GALNT13: variants seen among roughly 807,000 people sequenced by gnomAD.
The protein encoded by GALNT13 is UDP-GalNAc:polypeptide N-acetylgalactosaminyltransferase 13.
A neutral mutation model predicts 64.2 loss-of-function variants in GALNT13; 28 were observed. The observed-to-expected ratio is 0.44, with a 90% CI of 0.32 to 0.60. The LOEUF (loss-of-function observed/expected upper bound fraction) is 0.60, where lower values mean the gene tolerates loss of function less well. Ranked by LOEUF, GALNT13 falls within the 20% of genes least tolerant of loss-of-function variation. The pLI, the probability that GALNT13 is intolerant of heterozygous loss-of-function variation, is 0.05. For synonymous variants in GALNT13, 214 were observed against 224.6 expected (o/e 0.95, Z 0.42); for missense variants, 577 against 669.8 (o/e 0.86, Z 1.53).
the GALNT13 span, among the ~76,000 whole-genome samples, chr2:153,130,249 C>T: frequency 2.0e-5 from 3 of 152,118 alleles, no homozygotes; most frequent in African/African-American, 7.2e-5. Context: ...CACAGGGACC[C>T]TTGAAAACCT....
At chr2:153,206,872 C>A in the GALNT13 span, among the ~76,000 whole-genome samples, 3 of 151,988 alleles carry the variant, frequency 2.0e-5, no homozygotes, top group African/African-American at 7.2e-5. Context: ...GTTCAGTGAA[C>A]CCCCATTTTA....
At chr2:153,697,335 A>G in the GALNT13 span, among the ~76,000 whole-genome samples, 1 of 152,264 alleles carries the variant, frequency 6.6e-6, no homozygotes, top group East Asian at 1.9e-4. Context: ...TCACTTCCCC[A>G]AATGAACACA....
intron 3 of GALNT13, among the ~76,000 whole-genome samples, chr2:154,043,952 A>G (rs1349320647): frequency 2.6e-5 from 4 of 152,138 alleles, no homozygotes; most frequent in Non-Finnish European, 5.9e-5. Context: ...ATGTGCCTGT[A>G]GTCCCAGCTA....
the GALNT13 span, among the ~76,000 whole-genome samples, chr2:153,587,446 C>T: frequency 3.9e-5 from 6 of 152,104 alleles, no homozygotes; most frequent in Non-Finnish European, 7.3e-5. Context: ...TTCAACATGG[C>T]TGGAGCAGCC....
the GALNT13 span, among the ~76,000 whole-genome samples, chr2:153,426,625 A>G: frequency 6.6e-6 from 1 of 152,044 alleles, no homozygotes; most frequent in Admixed American, 6.6e-5. Flanking sequence ...AATTATGTTT[A>G]TTGCTCAAAT....
At chr2:153,094,294 A>G in the GALNT13 span, among the ~76,000 whole-genome samples, 1 of 151,816 alleles carries the variant, frequency 6.6e-6, no homozygotes, top group African/African-American at 2.4e-5. Context: ...CGTTTTTTGT[A>G]TCTGATATGT....
chr2:153,385,169 C>G, the GALNT13 span, among the ~76,000 whole-genome samples: 9 of 152,176 alleles, frequency 5.9e-5, no homozygotes, highest in African/African-American at 1.9e-4. Flanking sequence ...TATGATCCAG[C>G]AATCCCATTG....
At chr2:153,655,507 A>G in the GALNT13 span, among the ~76,000 whole-genome samples, 1 of 152,250 alleles carries the variant, frequency 6.6e-6, no homozygotes, top group Admixed American at 6.6e-5. Context: ...GATTACCAAT[A>G]AATCGATCCA....
intron 9 of GALNT13, among the ~76,000 whole-genome samples, chr2:154,358,889 C>G (rs1453621064): frequency 1.3e-5 from 2 of 152,084 alleles, no homozygotes; most frequent in African/African-American, 2.4e-5. Flanking sequence ...TCACTAAAAA[C>G]AGAACCTGTT....
chr2:153,918,144 T>C (rs1458537378), intron 2 of GALNT13, among the ~76,000 whole-genome samples: 1 of 152,184 alleles, frequency 6.6e-6, no homozygotes, highest in Non-Finnish European at 1.5e-5. Context: ...GGATTATGTT[T>C]GATTCAGCCA....
chr2:153,918,592 T>G (rs181905705), intron 2 of GALNT13, among the ~76,000 whole-genome samples: 10 of 152,126 alleles, frequency 6.6e-5, no homozygotes, highest in African/African-American at 2.4e-4. Flanking sequence ...CTAAATCCTT[T>G]TATTCTCCCC....
chr2:154,294,226 T>C (rs1013390112), intron 8 of GALNT13, among the ~76,000 whole-genome samples: 1 of 152,218 alleles, frequency 6.6e-6, no homozygotes, highest in Non-Finnish European at 1.5e-5. Flanking sequence ...ATCCTCAATA[T>C]ATTTAAGAAA....
chr2:153,891,007 A>T (rs1226016453), intron 1 of GALNT13, among the ~76,000 whole-genome samples: 1 of 152,014 alleles, frequency 6.6e-6, no homozygotes, highest in Non-Finnish European at 1.5e-5. Context: ...AATTTTGCCT[A>T]TTCCTATACT....
chr2:153,535,258 C>T, the GALNT13 span, among the ~76,000 whole-genome samples: 43 of 152,068 alleles, frequency 2.8e-4, no homozygotes, highest in African/African-American at 1.0e-3. Flanking sequence ...AGGAGAAAAA[C>T]AGGTATAAAA....
intron 3 of GALNT13, among the ~76,000 whole-genome samples, chr2:154,044,130 G>A (rs1434291243): frequency 4.0e-5 from 6 of 151,810 alleles, no homozygotes; most frequent in Non-Finnish European, 8.8e-5. Context: ...AAATATAGAA[G>A]GCTTTGTAGG....
the GALNT13 span, among the ~76,000 whole-genome samples, chr2:153,450,555 A>G: frequency 6.7e-6 from 1 of 148,546 alleles, no homozygotes; most frequent in Non-Finnish European, 1.5e-5. Flanking sequence ...CAGATAATTG[A>G]GTCCTATACC....
At chr2:153,814,380 C>T in the GALNT13 span, among the ~76,000 whole-genome samples, 4 of 152,054 alleles carry the variant, frequency 2.6e-5, no homozygotes, top group East Asian at 3.9e-4. Context: ...GCGGAGCTTG[C>T]GGTAAGCCGA....
At chr2:153,381,602 A>G in the GALNT13 span, among the ~76,000 whole-genome samples, 15 of 151,956 alleles carry the variant, frequency 9.9e-5, no homozygotes, top group African/African-American at 3.4e-4. Context: ...ATACTCATCT[A>G]TATTCATATG....
intron 3 of GALNT13, among the ~76,000 whole-genome samples, chr2:154,021,326 C>T (rs1453669567): frequency 1.9e-4 from 29 of 152,160 alleles, no homozygotes; most frequent in African/African-American, 7.0e-4. Flanking sequence ...ATTCTTCCTA[C>T]CCATGAGCAT....
Sources: gnomAD v4.1 joint callset for allele counts (sites outside exome capture counted in the v4.1 genomes callset) on GRCh38, gnomAD v4.1.1 for gene constraint, MANE v1.5 for transcripts, NCBI Gene and HGNC (gene_info 2026-07-23, HGNC 2026-07-21) for gene names.